CDH23: variants seen among roughly 807,000 people sequenced by gnomAD.
CDH23 encodes cadherin-23.
In CDH23, 189 loss-of-function variants were observed where a neutral mutation model predicts 317.1. The ratio of observed to expected loss-of-function variants is 0.60; its 90% CI spans 0.53 to 0.67. The LOEUF (loss-of-function observed/expected upper bound fraction) is 0.67. Ranked by LOEUF, CDH23 falls within the 30% of genes least tolerant of loss-of-function variation. The pLI, the probability that CDH23 is intolerant of heterozygous loss-of-function variation, is 0.00. For missense variants in CDH23, 4,401 were observed against 4,592.4 expected (o/e 0.96, Z 1.20); for synonymous variants, 1,839 against 1,876.8 (o/e 0.98, Z 0.52).
intron 44 of CDH23, among the ~76,000 whole-genome samples, chr10:71,786,537 G>C (rs893123790): frequency 7.9e-6 from 1 of 126,960 alleles, no homozygotes; most frequent in African/African-American, 3.1e-5. Flanking sequence ...TGTCACCCAA[G>C]CTGGTGTGCA....
chr10:71,757,607 T>C (rs1243206430), intron 38 of CDH23: 3 of 152,000 alleles, frequency 2.0e-5, no homozygotes, highest in Non-Finnish European at 4.4e-5. Context: ...CCTGGGAAGG[T>C]GATCAGGCGC....
chr10:71,784,336 C>G lies in CDH23; in HGVS notation c.5418C>G (p.Asp1806Glu), dbSNP rs74145660. ...PVEGVLRVRK[D>E]VELDRETIAF... ...AGGGGGTGCTAAGGGTCCGGAAGGACGTGGAGCTGGACCGGGAGACCATCG... is the reference window on the plus strand; with the variant it reads ...AGGGGGTGCTAAGGGTCCGGAAGGAGGTGGAGCTGGACCGGGAGACCATCG... Residue 1806 changes from aspartate to glutamate, a missense_variant, in exon 42 of 70, where the codon GAC becomes GAG. Transcript: ENST00000224721. 15,322 of 1,613,886 alleles carry G rather than the reference C, an allele frequency of 9.5e-3. 260 individuals are homozygous for G. The highest frequency in any genetic ancestry group is 0.088 in the East Asian group (3,941 of 44,874).
intron 38 of CDH23, 104 bp downstream of exon 38, chr10:71,742,025 C>CG (rs1156991609): frequency 6.2e-6 from 6 of 971,806 alleles, no homozygotes; most frequent in Non-Finnish European, 9.1e-6. Context: ...ACACAGCAGG[C>CG]GAATCCTTGA....
intron 19 of CDH23, 38 bp from the exon 20 acceptor site, chr10:71,690,430 G>C: frequency 6.7e-7 from 1 of 1,493,598 alleles, no homozygotes; most frequent in East Asian, 2.4e-5. Flanking sequence ...GGCCCAGGGT[G>C]AGCAGCACCC....
chr10:71,603,310 A>G (rs1860339359), intron 9 of CDH23, among the ~76,000 whole-genome samples: 1 of 152,134 alleles, frequency 6.6e-6, no homozygotes, highest in African/African-American at 2.4e-5. Flanking sequence ...TCCCTGGGAC[A>G]AGGCCTTTCA....
intron 3 of CDH23, among the ~76,000 whole-genome samples, chr10:71,455,788 A>G (rs1179743818): frequency 6.6e-6 from 1 of 152,214 alleles, no homozygotes; most frequent in African/African-American, 2.4e-5. Flanking sequence ...ATATTAAATC[A>G]GAGGACCCAT....
chr10:71,732,607 C>A (rs1480419056), intron 32 of CDH23: 1 of 1,390,058 alleles, frequency 7.2e-7, no homozygotes, highest in South Asian at 1.6e-5. Context: ...CACTCCAGCC[C>A]GGGCAACAGA....
chr10:71,661,316 G>C (rs982428173), intron 14 of CDH23, among the ~76,000 whole-genome samples: 27 of 152,098 alleles, frequency 1.8e-4, no homozygotes, highest in Admixed American at 3.3e-4. Flanking sequence ...CACCTAAAAA[G>C]GGAACAAAGC....
At chr10:71,812,039 C>T (rs1243457147) in intron 66 of CDH23, 24 bp downstream of exon 66, 12 of 1,613,844 alleles carry the variant, frequency 7.4e-6, no homozygotes, top group East Asian at 4.5e-5. Flanking sequence ...TGGCCCTGCC[C>T]GGTCCCCTGC....
At chr10:71,533,838 G>A (rs886072331) in intron 6 of CDH23, among the ~76,000 whole-genome samples, 2 of 151,962 alleles carry the variant, frequency 1.3e-5, no homozygotes, top group African/African-American at 4.8e-5. Context: ...CCCCCAGCCC[G>A]CTCTCATTAC....
intron 38 of CDH23, among the ~76,000 whole-genome samples, chr10:71,761,224 T>C (rs1840375561): frequency 6.6e-6 from 1 of 152,066 alleles, no homozygotes; most frequent in Admixed American, 6.5e-5. Context: ...GCATATATTC[T>C]CCAACAGCCA....
chr10:71,500,660 G>C lies in CDH23; in HGVS notation c.146-9422G>C, dbSNP rs61851644. Among the ~76,000 whole-genome samples, 60 of 152,254 alleles carry C rather than the reference G, an allele frequency of 3.9e-4. No homozygotes were observed. The East Asian group carries it at 8.7e-3, about 22-fold the overall frequency. Reference sequence around the variant, plus strand: ...GCTGAGTTTTGGATTTGGATAAAAGGCTTTGTGATAAAAACCATGAGGGTT... The same window carrying C: ...GCTGAGTTTTGGATTTGGATAAAAGCCTTTGTGATAAAAACCATGAGGGTT... On this transcript the variant is annotated intron_variant, in intron 3 of 69. Transcript: ENST00000224721.
At chr10:71,755,740 A>G (rs1288093477) in intron 38 of CDH23, among the ~76,000 whole-genome samples, 1 of 152,200 alleles carries the variant, frequency 6.6e-6, no homozygotes, top group Admixed American at 6.5e-5. Flanking sequence ...GAGGGAACAG[A>G]GTCCTCATCC....
chr10:71,715,987 G>GC, intron 28 of CDH23: 1 of 1,493,730 alleles, frequency 6.7e-7, no homozygotes, highest in Non-Finnish European at 8.9e-7. Context: ...TGTCCTCGGG[G>GC]CCCGGCAGGG....
At chr10:71,746,748 C>A (rs1054348403) in intron 38 of CDH23, among the ~76,000 whole-genome samples, 6 of 152,182 alleles carry the variant, frequency 3.9e-5, no homozygotes, top group Non-Finnish European at 7.3e-5. Flanking sequence ...GAATTGCAGC[C>A]AACCGATACT....
intron 42 of CDH23, 106 bp from the exon 43 acceptor site, chr10:71,784,785 C>A: frequency 1.2e-6 from 1 of 820,254 alleles, no homozygotes; most frequent in Non-Finnish European, 2.1e-6. Flanking sequence ...TGACCAACTG[C>A]ACCCTCCCTC....
At chr10:71,564,597 C>A (rs1336837493) in intron 6 of CDH23, among the ~76,000 whole-genome samples, 1 of 152,230 alleles carries the variant, frequency 6.6e-6, no homozygotes, top group Non-Finnish European at 1.5e-5. Context: ...CCCCTCAGGA[C>A]CATGCGGTAT....
At chr10:71,524,126 G>C (rs1037591542) in intron 6 of CDH23, among the ~76,000 whole-genome samples, 6 of 152,248 alleles carry the variant, frequency 3.9e-5, no homozygotes, top group Non-Finnish European at 8.8e-5. Flanking sequence ...ACCTTGAGGT[G>C]TAATTACTCA....
At chr10:71,406,173 G>C (rs1848089221) in intron 1 of CDH23, among the ~76,000 whole-genome samples, 1 of 152,112 alleles carries the variant, frequency 6.6e-6, no homozygotes, top group Non-Finnish European at 1.5e-5. Flanking sequence ...TGCTCTTTCT[G>C]TGAGAAGGAT....
Sources: allele counts gnomAD v4.1 joint callset (sites outside exome capture counted in the v4.1 genomes callset), GRCh38; gene constraint gnomAD v4.1.1; transcripts MANE v1.5; gene names NCBI Gene and HGNC (gene_info 2026-07-23, HGNC 2026-07-21).